The following CYP2U1 variants were observed in gnomAD, a reference collection of about 807,000 sequenced individuals.
The protein encoded by CYP2U1 is cytochrome P450 family 2 subfamily U member 1.
Under a neutral mutation model 42.8 loss-of-function variants are expected in CYP2U1, and 28 were observed. That is an observed-to-expected ratio of 0.65 (90% CI 0.48 to 0.90). The LOEUF is 0.90. Ranked by LOEUF, CYP2U1 falls within the 40% of genes least tolerant of loss-of-function variation. CYP2U1 has a pLI of 0.00. For synonymous variants in CYP2U1, 296 were observed against 278.9 expected, an observed-to-expected ratio of 1.06 and a Z score of -0.61; for missense variants, 642 against 693.8, an observed-to-expected ratio of 0.93 and a Z score of 0.84.
intron 1 of CYP2U1, chr4:107,939,236 A>G (rs1733391720): frequency 6.6e-6 from 1 of 152,198 alleles, no homozygotes; most frequent in Admixed American, 6.5e-5. Context: ...GGAAGACCAT[A>G]TCTATCCAAG....
chr4:107,948,380 A>T (rs1386964256), intron 3 of CYP2U1, among the ~76,000 whole-genome samples: 1 of 151,250 alleles, frequency 6.6e-6, no homozygotes, highest in Admixed American at 6.6e-5. Flanking sequence ...CCTAGCCAAC[A>T]TGGCGAAAAC....
intron 1 of CYP2U1, among the ~76,000 whole-genome samples, chr4:107,933,474 T>C (rs866843268): frequency 6.6e-6 from 1 of 152,252 alleles, no homozygotes; most frequent in Middle Eastern, 3.2e-3. Context: ...ACTGTGACAT[T>C]TGTTTTTCAG....
intron 1 of CYP2U1, among the ~76,000 whole-genome samples, chr4:107,943,584 G>T (rs1188772067): frequency 1.3e-5 from 2 of 152,208 alleles, no homozygotes; most frequent in African/African-American, 4.8e-5. Context: ...GGCCTGCAGA[G>T]CAACCACTGC....
chr4:107,949,438 G>A lies in CYP2U1; in HGVS notation c.1377G>A (p.Pro459=), dbSNP rs138472735. ...GAGACCCAGCCATTTGGGAGAAACC[G>A]GAGGATTTCTACCCTAATCGATTTC... The part of the protein sequence containing the change: ...VHRDPAIWEK[P]EDFYPNRFLD... Residue 459 remains proline, a synonymous_variant, in exon 4 of 5, where the codon CCG becomes CCA. Coordinates refer to ENST00000332884, the MANE Select transcript of CYP2U1 (RefSeq NM_183075.3). 390 of 1,611,134 alleles carry A rather than the reference G, an allele frequency of 2.4e-4. 4 individuals are homozygous for A. Among genetic ancestry groups the A allele is most frequent in the South Asian group, 5.6e-4 (51 of 90,548 alleles).
intron 1 of CYP2U1, among the ~76,000 whole-genome samples, chr4:107,933,092 G>A (rs1247913153): frequency 6.6e-6 from 1 of 152,156 alleles, no homozygotes; most frequent in Non-Finnish European, 1.5e-5. Context: ...AAAGATCTAG[G>A]CTTTTCAGAA....
In CYP2U1 at chr4:107,951,292, T is replaced by G. The variant is rs1733897059; in HGVS notation, c.*869T>G. The G allele has an allele frequency of 6.6e-6, 1 of 152,164 alleles. No individual in the cohort carries two copies. The highest frequency in any genetic ancestry group is 2.4e-5 in the African/African-American group (1 of 41,448). 9.4% of individuals were successfully genotyped at this position (152,164 alleles called of 1,614,324 possible). On this transcript the variant is annotated 3_prime_UTR_variant, in exon 5 of 5. Coordinates refer to ENST00000332884, the MANE Select transcript of CYP2U1 (RefSeq NM_183075.3). ...ACCTTTTTACTTAAGGCCTGAATGG[T>G]GAGCATGGGGATTTTGATACTGGGA...
intron 2 of CYP2U1, among the ~76,000 whole-genome samples, chr4:107,946,405 C>T (rs1733698178): frequency 6.6e-6 from 1 of 152,116 alleles, no homozygotes. Context: ...AGATTGGGCA[C>T]ACCCAGGTGA....
intron 1 of CYP2U1, among the ~76,000 whole-genome samples, chr4:107,944,684 A>T (rs182110029): frequency 1.2e-3 from 174 of 150,724 alleles, no homozygotes; most frequent in African/African-American, 4.1e-3. Context: ...TGAAAATGAA[A>T]CTCATTGCTT....
chr4:107,932,959 G>C (rs1213487995), intron 1 of CYP2U1, among the ~76,000 whole-genome samples: 3 of 152,182 alleles, frequency 2.0e-5, no homozygotes, highest in Non-Finnish European at 4.4e-5. Context: ...CCTTGGGCCT[G>C]GATGTCAGTC....
chr4:107,932,182 C>T (rs779513958), intron 1 of CYP2U1, 49 bp downstream of exon 1: 1 of 1,555,854 alleles, frequency 6.4e-7, no homozygotes, highest in Middle Eastern at 1.8e-4. Flanking sequence ...GCGGATGAGT[C>T]TCCAGGTGCG....
At chr4:107,938,760 C>T (rs1733370340) in intron 1 of CYP2U1, 1 of 152,110 alleles carries the variant, frequency 6.6e-6, no homozygotes, top group Non-Finnish European at 1.5e-5. Flanking sequence ...TTCTAAAATA[C>T]AAATTTGTAG....
At position 107,950,321 on chromosome 4, in the gene CYP2U1, C is replaced by G; in HGVS notation, c.1533C>G (p.Phe511Leu). 6.2e-7 allele frequency: 1 copy of G among 1,614,010 alleles called. No homozygotes were observed. The highest frequency in any genetic ancestry group is 2.2e-5 in the East Asian group (1 of 44,858). ...TGTTTGTGAGCCTAATGCAGAGTTT[C>G]GCATTTGCTTTACCTGAGGATTCTA... is the stretch of plus-strand genomic sequence containing the variant. ...FLMFVSLMQS[F>L]AFALPEDSKK... The change falls in exon 5 of 5, where the codon TTC becomes TTG. Residue 511 changes from phenylalanine to leucine, a missense_variant. By Grantham distance (22) the Phe-to-Leu change is conservative (BLOSUM62 0). Transcript: ENST00000332884.
chr4:107,932,380 G>C (rs1045147952), intron 1 of CYP2U1, among the ~76,000 whole-genome samples: 1 of 152,220 alleles, frequency 6.6e-6, no homozygotes, highest in Non-Finnish European at 1.5e-5. Context: ...AAGTCATCCG[G>C]AGATTGAGGG....
intron 1 of CYP2U1, chr4:107,939,030 G>A (rs1733381239): frequency 6.9e-6 from 1 of 145,916 alleles, no homozygotes; most frequent in Non-Finnish European, 1.5e-5. Flanking sequence ...GGGTGTGGTG[G>A]CATGCGCCTG....
chr4:107,931,672 C>A lies in CYP2U1; in HGVS notation c.29C>A (p.Pro10Gln), dbSNP rs752252347. The A allele has an allele frequency of 1.8e-5, 23 of 1,262,774 alleles. No homozygotes were observed. The highest frequency in any genetic ancestry group is 4.3e-5 in the Admixed American group (1 of 23,528). 78.2% of individuals were successfully genotyped at this position (1,262,774 alleles called of 1,614,324 possible). Residue 10 changes from proline (P) to glutamine (Q), a missense_variant, in exon 1 of 5, where the codon CCG becomes CAG. Pro to Gln is a moderately conservative substitution (Grantham distance 76). Coordinates refer to ENST00000332884, the MANE Select transcript of CYP2U1 (RefSeq NM_183075.3). ...TCGTCTCCGGGGCCGTCGCAGCCGC[C>A]GGCCGAGGACCCGCCCTGGCCCGCG... The part of the protein sequence containing the change: MSSPGPSQP[P>Q]AEDPPWPARL...
At position 107,949,293 on chromosome 4, in the gene CYP2U1, G is replaced by T. The variant is rs1409570217; in HGVS notation, c.1289-57G>T. ...TTTTTTTTCAGATAATGATGTTCAGGGAGAACTACTAGTAAAAGCATACTG... is the reference window on the plus strand; with the variant it reads ...TTTTTTTTCAGATAATGATGTTCAGTGAGAACTACTAGTAAAAGCATACTG... On this transcript the variant is annotated intron_variant, in intron 3 of 4. Coordinates refer to ENST00000332884, the MANE Select transcript of CYP2U1 (RefSeq NM_183075.3). The T allele has an allele frequency of 5.1e-6, 7 of 1,370,164 alleles. No homozygotes were observed. The East Asian group carries it at 1.8e-4, about 36-fold the overall frequency. 84.9% of individuals were successfully genotyped at this position (1,370,164 alleles called of 1,614,324 possible).
chr4:107,950,050 A>C (rs1186853491), intron 4 of CYP2U1, among the ~76,000 whole-genome samples, 195 bp from the exon 5 acceptor site: 2 of 152,194 alleles, frequency 1.3e-5, no homozygotes, highest in Non-Finnish European at 2.9e-5. Context: ...TAAGAGTTAA[A>C]ATGTGGATTT....
At position 107,945,049 on chromosome 4, in the gene CYP2U1, G is replaced by A. The variant is rs780843477; in HGVS notation, c.570G>A (p.Leu190=). 1.9e-6 allele frequency: 3 copies of A among 1,613,250 alleles called. No individual in the cohort carries two copies. The highest frequency in any genetic ancestry group is 4.5e-5 in the East Asian group (2 of 44,814). ...ATTCAACTCTTCGTCATTTTGGGTT[G>A]GGAAAACTTAGCTTGGAGCCCAAGA... The part of the protein sequence containing the change: ...FSHSTLRHFG[L]GKLSLEPKII... The change falls in exon 2 of 5, where the codon TTG becomes TTA. Residue 190 remains leucine, a synonymous_variant. Transcript: ENST00000332884.
chr4:107,934,425 T>C (rs568897680), intron 1 of CYP2U1, among the ~76,000 whole-genome samples: 25 of 152,176 alleles, frequency 1.6e-4, no homozygotes, highest in African/African-American at 6.0e-4. Context: ...CAAGCTACCA[T>C]CATTTATTTA....
Sources: allele counts gnomAD v4.1 joint callset (sites outside exome capture counted in the v4.1 genomes callset), GRCh38; gene constraint gnomAD v4.1.1; transcripts MANE v1.5; gene names NCBI Gene and HGNC (gene_info 2026-07-23, HGNC 2026-07-21).